Variants in ATP8A1 observed in about 807,000 individuals in gnomAD.
ATP8A1 encodes ATPase phospholipid transporting 8A1.
ATP8A1 carries 90 observed loss-of-function variants against 177.7 expected under a neutral mutation model. The ratio of observed to expected loss-of-function variants is 0.51; its 90% CI spans 0.43 to 0.60. The LOEUF (loss-of-function observed/expected upper bound fraction) is 0.60, where lower values mean the gene tolerates loss of function less well. Ranked by LOEUF, ATP8A1 falls within the 20% of genes least tolerant of loss-of-function variation. ATP8A1 has a pLI of 0.00. For missense variants in ATP8A1, 1,072 were observed against 1,392.8 expected (o/e 0.77, Z 3.67); for synonymous variants, 493 against 485.9 (o/e 1.01, Z -0.19).
chr4:42,619,888 T>C (rs1737296441), intron 4 of ATP8A1, among the ~76,000 whole-genome samples: 1 of 152,116 alleles, frequency 6.6e-6, no homozygotes, highest in South Asian at 2.1e-4. Flanking sequence ...AGAACTGAGA[T>C]TCCATCCCCT....
intron 15 of ATP8A1, among the ~76,000 whole-genome samples, chr4:42,563,766 T>A (rs914348939): frequency 6.6e-6 from 1 of 152,182 alleles, no homozygotes; most frequent in Non-Finnish European, 1.5e-5. Flanking sequence ...GCAGCTTTCA[T>A]GCAGTGTTGA....
chr4:42,646,865 T>C (rs1478783347), intron 1 of ATP8A1, among the ~76,000 whole-genome samples: 3 of 152,190 alleles, frequency 2.0e-5, no homozygotes, highest in Non-Finnish European at 4.4e-5. Flanking sequence ...GTCTAATTAA[T>C]CCATGAAGCC....
intron 33 of ATP8A1, among the ~76,000 whole-genome samples, chr4:42,443,285 T>C (rs1269470870): frequency 1.3e-5 from 2 of 152,232 alleles, no homozygotes; most frequent in Non-Finnish European, 2.9e-5. Flanking sequence ...ATCTTCTATA[T>C]GGATATTCTT....
chr4:42,652,657 G>A (rs906814857), intron 1 of ATP8A1, among the ~76,000 whole-genome samples: 2 of 152,074 alleles, frequency 1.3e-5, no homozygotes, highest in Non-Finnish European at 2.9e-5. Context: ...AGACCTGGTG[G>A]GAGGTAACTG....
chr4:42,460,345 T>A (rs1008842532), intron 27 of ATP8A1, among the ~76,000 whole-genome samples: 11 of 150,594 alleles, frequency 7.3e-5, no homozygotes, highest in African/African-American at 2.7e-4. Context: ...GAGTAAAGGA[T>A]AGAATATGAT....
intron 25 of ATP8A1, among the ~76,000 whole-genome samples, chr4:42,473,820 GTT>G (rs35611601): frequency 3.0e-5 from 4 of 131,670 alleles, no homozygotes; most frequent in Admixed American, 7.7e-5. Flanking sequence ...TAATTTTTGT[GTT>G]TTTTTTTTTT....
Position 42,520,649 on chromosome 4 carries a change from T to A in ATP8A1, c.1947+1511A>T, listed in dbSNP as rs557973634. On this transcript the variant is annotated intron_variant, in intron 22 of 36. Transcript: ENST00000381668. The stretch of plus-strand genomic sequence containing the variant: ...AAGTCTCCTGGTGTGTGTATACCTA[T>A]AACATTTAGGGTGGGAGTATCATGC... Among the ~76,000 whole-genome samples the A allele has an allele frequency of 2.8e-4, 42 of 152,236 alleles. 1 individual carries two copies. The highest frequency in any genetic ancestry group is 2.4e-3 in the Admixed American group (36 of 15,276).
At chr4:42,546,665 C>T (rs989049489) in intron 19 of ATP8A1, among the ~76,000 whole-genome samples, 4 of 152,098 alleles carry the variant, frequency 2.6e-5, no homozygotes, top group East Asian at 1.9e-4. Context: ...TCACATTTCA[C>T]CTTCTCTAAA....
chr4:42,574,885 G>T (rs1732285354), intron 13 of ATP8A1, among the ~76,000 whole-genome samples, 178 bp from the exon 14 acceptor site: 1 of 152,124 alleles, frequency 6.6e-6, no homozygotes, highest in South Asian at 2.1e-4. Flanking sequence ...TTTTACAAAT[G>T]AATCTTTTCA....
chr4:42,553,860 T>C (rs757174952), intron 16 of ATP8A1, among the ~76,000 whole-genome samples: 6 of 152,194 alleles, frequency 3.9e-5, no homozygotes, highest in Non-Finnish European at 7.3e-5. Context: ...GAGTCTGTGG[T>C]TATTCTCAAG....
At chr4:42,453,938 T>C (rs989647575) in intron 29 of ATP8A1, among the ~76,000 whole-genome samples, 1 of 152,210 alleles carries the variant, frequency 6.6e-6, no homozygotes, top group African/African-American at 2.4e-5. Flanking sequence ...ATTACAGCAA[T>C]GTGATGAAAT....
chr4:42,524,350 T>C (rs1726458469), intron 21 of ATP8A1, among the ~76,000 whole-genome samples: 2 of 152,164 alleles, frequency 1.3e-5, no homozygotes, highest in South Asian at 2.1e-4. Context: ...AGTCCTGAGT[T>C]GAAACTAAAT....
In ATP8A1 at chr4:42,617,819, C is replaced by T. The variant is rs1331413885; in HGVS notation, c.364-1741G>A. ...AGAGCATCTCTTTCCTCTATCTTCC[C>T]ATCACAGAATTAGGTTACTTGTCAT... is the stretch of plus-strand genomic sequence containing the variant. On this transcript the variant is annotated intron_variant, in intron 4 of 36. Transcript: ENST00000381668. Among the ~76,000 whole-genome samples the T allele has an allele frequency of 2.6e-5, 4 of 152,296 alleles. No homozygotes were observed. In the East Asian group the frequency reaches 5.8e-4, roughly 22 times the overall value.
At chr4:42,615,138 T>C (rs1736773606) in intron 5 of ATP8A1, among the ~76,000 whole-genome samples, 1 of 152,242 alleles carries the variant, frequency 6.6e-6, no homozygotes, top group African/African-American at 2.4e-5. Context: ...TATACTTTCT[T>C]ATATGTTCCA....
chr4:42,543,582 A>C (rs1255707535), intron 20 of ATP8A1, among the ~76,000 whole-genome samples: 1 of 152,230 alleles, frequency 6.6e-6, no homozygotes, highest in East Asian at 1.9e-4. Context: ...AATTAGATTC[A>C]AACTAGAGTG....
chr4:42,460,608 C>T (rs1034092470), intron 27 of ATP8A1, among the ~76,000 whole-genome samples: 1 of 151,996 alleles, frequency 6.6e-6, no homozygotes, highest in Non-Finnish European at 1.5e-5. Flanking sequence ...AGGTTGGTCT[C>T]GAACTCCCGA....
At chr4:42,581,830 C>T in intron 9 of ATP8A1, 98 bp from the exon 10 acceptor site, 5 of 838,150 alleles carry the variant, frequency 6.0e-6, no homozygotes, top group South Asian at 1.6e-5. Flanking sequence ...ATTAAAATAA[C>T]CCTTCTCATA....
chr4:42,423,743 A>C, intron 33 of ATP8A1, 38 bp from the exon 34 acceptor site: 1 of 1,335,434 alleles, frequency 7.5e-7, no homozygotes, highest in Non-Finnish European at 1.1e-6. Context: ...CTTTAAAACC[A>C]AAAAATACAT....
chr4:42,633,885 T>C (rs1739011240), intron 1 of ATP8A1, among the ~76,000 whole-genome samples: 1 of 152,090 alleles, frequency 6.6e-6, no homozygotes, highest in African/African-American at 2.4e-5. Flanking sequence ...TAAAGGAAGA[T>C]AAGGGACAGT....
Sources: allele counts gnomAD v4.1 joint callset (sites outside exome capture counted in the v4.1 genomes callset), GRCh38; gene constraint gnomAD v4.1.1; transcripts MANE v1.5; gene names NCBI Gene and HGNC (gene_info 2026-07-23, HGNC 2026-07-21).